Variants in NIN observed in about 807,000 individuals in gnomAD.
NIN encodes ninein.
A neutral mutation model predicts 257.6 loss-of-function variants in NIN; 137 were observed. The observed-to-expected ratio is 0.53, with a 90% confidence interval of 0.46 to 0.61. The LOEUF (loss-of-function observed/expected upper bound fraction) is 0.61. Among genes scored for constraint, NIN ranks in the 20% least tolerant of loss-of-function variants. NIN has a pLI of 0.00. For missense variants in NIN, 2,439 were observed against 2,501.2 expected (o/e 0.98, Z 0.53); for synonymous variants, 918 against 919.8 (o/e 1.00, Z 0.04).
At chr14:50,827,756 C>CAAAAAAA (rs370926505) in intron 2 of NIN, among the ~76,000 whole-genome samples, 1 of 107,106 alleles carries the variant, frequency 9.3e-6, no homozygotes, top group African/African-American at 3.9e-5. Context: ...GACTCCGTAT[C>CAAAAAAA]AAAAAAAAAA....
intron 7 of NIN, 127 bp from the exon 8 acceptor site, chr14:50,773,222 T>A: frequency 1.7e-6 from 1 of 595,124 alleles, no homozygotes; most frequent in Non-Finnish European, 2.8e-6. Flanking sequence ...TTATGCCCCT[T>A]TATTCTCACT....
rs2042952732 is a variant in NIN, at chr14:50,777,099, T to C, written c.516A>G (p.Ser172=). ...CTTGGGGAGGGGAAGATCCACTCTG[T>C]GAAGCATTCAAGTCATCTGGGTTCC... ...RFWNPDDLNA[S]QSGSSPPQDW... The change falls in exon 7 of 31, where the codon TCA becomes TCG. Residue 172 remains serine (S), a synonymous_variant. Transcript: ENST00000530997. 6.2e-7 allele frequency: 1 copy of C among 1,613,578 alleles called. No individual in the cohort carries two copies. Among genetic ancestry groups the C allele is most frequent in the Admixed American group, 1.7e-5 (1 of 59,874 alleles).
chr14:50,757,609 G>A lies in NIN; in HGVS notation c.3421C>T (p.Arg1141Trp), dbSNP rs747335491. The change falls in exon 18 of 31, where the codon CGG becomes TGG. Residue 1141 changes from arginine (R) to tryptophan (W), a missense_variant. By Grantham distance (101) the Arg-to-Trp change is moderately radical. Transcript: ENST00000530997. ...TCTTCCAGGTCACTTAGGACATGCC[G>A]CCTGGTCACACCTTCTACTTGCTTC... ...RTKQVEGVTR[R>W]HVLSDLEDDE... 35 of 1,613,936 alleles carry A rather than the reference G, an allele frequency of 2.2e-5. No homozygotes were observed. Among genetic ancestry groups the A allele is most frequent in the South Asian group, 7.7e-5 (7 of 91,076 alleles).
At chr14:50,750,163 G>A (rs1054212987) in intron 21 of NIN, among the ~76,000 whole-genome samples, 1 of 151,776 alleles carries the variant, frequency 6.6e-6, no homozygotes, top group Non-Finnish European at 1.5e-5. Flanking sequence ...AGATGTTCCA[G>A]GCTTATCCTG....
At position 50,721,722 on chromosome 14, in the gene NIN, T is replaced by C. The variant is rs180974880; in HGVS notation, c.*1741A>G. On this transcript the variant is annotated 3_prime_UTR_variant, in exon 31 of 31. Coordinates refer to ENST00000530997, the MANE Select transcript of NIN (RefSeq NM_020921.4). ...AATTAACTCTTTATCCAGGGGGAACTCAGGGCTTTCTGACAAGAGCTGTGC... is the reference window on the plus strand; with the variant it reads ...AATTAACTCTTTATCCAGGGGGAACCCAGGGCTTTCTGACAAGAGCTGTGC... The C allele has an allele frequency of 4.5e-6, 1 of 220,252 alleles. No homozygotes were observed. The highest frequency in any genetic ancestry group is 6.6e-5 in the East Asian group (1 of 15,140). The allele number at this position is 220,252 out of a possible 1,614,324, so 13.6% of individuals were successfully genotyped here. A position where few individuals can be genotyped will look rare whatever the true frequency, so the allele number is the denominator to read the frequency against.
intron 5 of NIN, among the ~76,000 whole-genome samples, chr14:50,786,842 G>A (rs2043367966): frequency 6.6e-6 from 1 of 152,200 alleles, no homozygotes; most frequent in South Asian, 2.1e-4. Flanking sequence ...GACTCTGTAC[G>A]ATGTAAATGA....
chr14:50,785,395 G>A (rs1040194995), intron 5 of NIN, among the ~76,000 whole-genome samples: 1 of 152,246 alleles, frequency 6.6e-6, no homozygotes, highest in Non-Finnish European at 1.5e-5. Flanking sequence ...CATTATGGGG[G>A]CAGACACCGG....
intron 11 of NIN, 141 bp from the exon 12 acceptor site, chr14:50,770,703 C>T (rs895329227): frequency 3.0e-6 from 4 of 1,333,608 alleles, no homozygotes; most frequent in Non-Finnish European, 4.1e-6. Flanking sequence ...TCCCTTAGGG[C>T]TTGACCACAT....
At chr14:50,781,110 C>T (rs1212405179) in intron 5 of NIN, among the ~76,000 whole-genome samples, 1 of 152,164 alleles carries the variant, frequency 6.6e-6, no homozygotes, top group Admixed American at 6.5e-5. Flanking sequence ...AATGCTCATA[C>T]TACTTCGGCA....
chr14:50,768,373 G>A (rs2042592803), intron 12 of NIN, among the ~76,000 whole-genome samples: 1 of 152,186 alleles, frequency 6.6e-6, no homozygotes, highest in Non-Finnish European at 1.5e-5. Flanking sequence ...CTGTGTATCA[G>A]GCAGTGCTGG....
Position 50,741,603 on chromosome 14 carries a change from T to C in NIN, c.5427A>G (p.Gln1809=), listed in dbSNP as rs1371887845. Residue 1809 remains glutamine (Q), a synonymous_variant, in exon 25 of 31, where the codon CAA becomes CAG. Coordinates refer to ENST00000530997, the MANE Select transcript of NIN (RefSeq NM_020921.4). ...TCACCTTGCCACCAGCATTCTGAAG[T>C]TGCTTATGTAAAGACATCACTTCTT... ...LKQEVMSLHK[Q]LQNAGGKSWA... is the part of the protein sequence containing the mutation. 5 of 1,614,024 alleles carry C rather than the reference T, an allele frequency of 3.1e-6. No homozygotes were observed. The highest frequency in any genetic ancestry group is 1.3e-5 in the African/African-American group (1 of 75,052).
chr14:50,798,763 A>G (rs2043953440), intron 4 of NIN, among the ~76,000 whole-genome samples: 2 of 152,160 alleles, frequency 1.3e-5, no homozygotes, highest in South Asian at 2.1e-4. Flanking sequence ...AGTGTGATGC[A>G]CACTGTCCAT....
chr14:50,733,603 A>G (rs1289786122), intron 28 of NIN, among the ~76,000 whole-genome samples: 1 of 152,176 alleles, frequency 6.6e-6, no homozygotes, highest in Non-Finnish European at 1.5e-5. Flanking sequence ...AATAATGTTA[A>G]TGGGTGCTGG....
chr14:50,812,549 G>T (rs1472113894), intron 3 of NIN, among the ~76,000 whole-genome samples: 1 of 152,196 alleles, frequency 6.6e-6, no homozygotes, highest in Non-Finnish European at 1.5e-5. Flanking sequence ...GAAAGTGGAA[G>T]GGTGGAATGG....
At chr14:50,823,179 C>G (rs776818012) in intron 2 of NIN, 1 of 549,584 alleles carries the variant, frequency 1.8e-6, no homozygotes, top group Non-Finnish European at 3.7e-6. Context: ...CCTTGCATGA[C>G]AGTTCATTTT....
intron 5 of NIN, among the ~76,000 whole-genome samples, chr14:50,790,033 C>A (rs2043518846): frequency 6.6e-6 from 1 of 152,174 alleles, no homozygotes; most frequent in South Asian, 2.1e-4. Flanking sequence ...CCAACAGGAA[C>A]ATCGAAAATG....
chr14:50,814,006 T>C (rs1181263632), intron 3 of NIN, among the ~76,000 whole-genome samples: 2 of 152,222 alleles, frequency 1.3e-5, no homozygotes, highest in African/African-American at 2.4e-5. Flanking sequence ...AGTTTCATAA[T>C]GAAAGATACA....
chr14:50,731,716 C>T (rs2040712449), intron 28 of NIN, among the ~76,000 whole-genome samples: 1 of 152,040 alleles, frequency 6.6e-6, no homozygotes, highest in Non-Finnish European at 1.5e-5. Context: ...ATCCCAGCTA[C>T]CTGGGAGGCT....
At chr14:50,752,169 T>TTA (rs1555378615) in intron 21 of NIN, among the ~76,000 whole-genome samples, 6 of 151,682 alleles carry the variant, frequency 4.0e-5, no homozygotes, top group African/African-American at 9.7e-5. Flanking sequence ...TTTTTTTTTT[T>TTA]TATATTTAGT....
Sources: allele counts gnomAD v4.1 joint callset (sites outside exome capture counted in the v4.1 genomes callset), GRCh38; gene constraint gnomAD v4.1.1; transcripts MANE v1.5; gene names NCBI Gene and HGNC (gene_info 2026-07-23, HGNC 2026-07-21).